Variants in NEK5 observed in about 807,000 individuals in gnomAD.
NEK5 encodes NIMA related kinase 5.
In NEK5, 88 loss-of-function variants were observed where a neutral mutation model predicts 109.2. The observed-to-expected ratio is 0.81, with a 90% confidence interval of 0.68 to 0.96. NEK5 has a LOEUF of 0.96. Ranked by LOEUF, NEK5 falls within the 40% of genes least tolerant of loss-of-function variation. NEK5 has a pLI of 0.00. For synonymous variants in NEK5, 283 were observed against 299.9 expected (o/e 0.94, Z 0.58); for missense variants, 834 against 920.7 (o/e 0.91, Z 1.22).
At chr13:52,071,504 T>G (rs957612654) in intron 20 of NEK5, among the ~76,000 whole-genome samples, 1 of 152,260 alleles carries the variant, frequency 6.6e-6, no homozygotes, top group Non-Finnish European at 1.5e-5. Flanking sequence ...TTTCTTTACT[T>G]ACAATTGTGT....
intron 23 of NEK5, among the ~76,000 whole-genome samples, chr13:52,048,335 G>A (rs1331702901): frequency 1.3e-5 from 2 of 151,714 alleles, no homozygotes. Flanking sequence ...ATTCTGGGAG[G>A]CTGAGACGGG....
intron 19 of NEK5, among the ~76,000 whole-genome samples, chr13:52,074,279 A>C (rs1169474532): frequency 6.6e-6 from 1 of 152,196 alleles, no homozygotes; most frequent in East Asian, 1.9e-4. Flanking sequence ...TGGTTCAAAA[A>C]CAAACACATA....
chr13:52,109,938 T>C lies in NEK5; in HGVS notation c.467+402A>G, dbSNP rs74087059. 3.9e-3 allele frequency among the ~76,000 whole-genome samples: 593 copies of C among 152,334 alleles called. 3 individuals are homozygous for C. Among genetic ancestry groups the C allele is most frequent in the African/African-American group, 0.014 (576 of 41,572 alleles). ...ACCGGCCACCTTGGGTACATGTTCT[T>C]AGGATCTCCTGAGGGCTATGTCACA... is the stretch of plus-strand genomic sequence containing the variant. On this transcript the variant is annotated intron_variant, in intron 7 of 23. Coordinates refer to ENST00000684899, the MANE Select transcript of NEK5 (RefSeq NM_001365552.1).
chr13:52,070,637 C>T (rs1477265133), intron 20 of NEK5, among the ~76,000 whole-genome samples: 3 of 152,210 alleles, frequency 2.0e-5, no homozygotes, highest in Non-Finnish European at 4.4e-5. Flanking sequence ...GCTTCCCCAG[C>T]CATGTGGAAC....
At chr13:52,054,445 C>A (rs1328647597) in intron 22 of NEK5, among the ~76,000 whole-genome samples, 2 of 152,200 alleles carry the variant, frequency 1.3e-5, no homozygotes, top group Non-Finnish European at 2.9e-5. Flanking sequence ...CTCAGCCTCC[C>A]AAAGGGCTGG....
In NEK5 at chr13:52,050,107, T is replaced by G; in HGVS notation, c.2225A>C (p.Asp742Ala). 1.0e-6 allele frequency: 1 copy of G among 964,062 alleles called. No homozygotes were observed. The highest frequency in any genetic ancestry group is 1.8e-5 in the African/African-American group (1 of 56,910). 59.7% of individuals were successfully genotyped at this position (964,062 alleles called of 1,614,324 possible). ...TATCGGCAAATGATCTACTTACGTATCATCATCATCAGATCTTGGTTCTAG... is the reference window on the plus strand; with the variant it reads ...TATCGGCAAATGATCTACTTACGTAGCATCATCATCAGATCTTGGTTCTAG... The part of the protein sequence containing the change: ...EQLEPRSDDD[D>A]TNFEESEDEL... Residue 742 changes from aspartate (D) to alanine (A), a missense_variant, in exon 23 of 24, where the codon GAT becomes GCT. By Grantham distance (126) the Asp-to-Ala change is moderately radical. Coordinates refer to ENST00000684899, the MANE Select transcript of NEK5 (RefSeq NM_001365552.1).
At chr13:52,077,616 G>A (rs1954891883) in intron 17 of NEK5, among the ~76,000 whole-genome samples, 1 of 152,140 alleles carries the variant, frequency 6.6e-6, no homozygotes, top group South Asian at 2.1e-4. Context: ...AGAGAGAACT[G>A]AAACACTCAT....
intron 4 of NEK5, among the ~76,000 whole-genome samples, chr13:52,115,911 T>C (rs1164701417): frequency 6.6e-6 from 1 of 152,174 alleles, no homozygotes; most frequent in Admixed American, 6.5e-5. Context: ...AGCTCTCTCC[T>C]GTAATCCCAG....
intron 22 of NEK5, among the ~76,000 whole-genome samples, chr13:52,059,950 A>G (rs1368560452): frequency 6.6e-6 from 1 of 152,090 alleles, no homozygotes; most frequent in Non-Finnish European, 1.5e-5. Flanking sequence ...AACTTAAAGT[A>G]TAATAATAAA....
chr13:52,097,677 T>A (rs893883395), intron 12 of NEK5, among the ~76,000 whole-genome samples: 4 of 152,216 alleles, frequency 2.6e-5, no homozygotes, highest in Non-Finnish European at 5.9e-5. Flanking sequence ...TGGAAGGGAC[T>A]TGACTTGTCT....
Position 52,076,084 on chromosome 13 carries a change from T to C in NEK5, c.1632A>G (p.Pro544=), listed in dbSNP as rs774858274. 2.5e-6 allele frequency: 4 copies of C among 1,599,066 alleles called. No homozygotes were observed. Among genetic ancestry groups the C allele is most frequent in the South Asian group, 2.2e-5 (2 of 89,260 alleles). The change falls in exon 18 of 24, where the codon CCA becomes CCG. Residue 544 remains proline, a synonymous_variant. Transcript: ENST00000684899. The part of the protein sequence containing the change: ...RLQNTKESKN[P]EQKYKAKKGV... ...TTACCTTAGCTTTATATTTCTGTTC[T>C]GGATTTTTACTTTCCTTTGTGTTCT...
chr13:52,121,560 T>C (rs1955970805), intron 3 of NEK5, among the ~76,000 whole-genome samples: 2 of 152,240 alleles, frequency 1.3e-5, no homozygotes, highest in Admixed American at 1.3e-4. Context: ...TTGCTAGTTT[T>C]TAAGTTACTC....
Position 52,114,335 on chromosome 13 carries a change from C to CA in NEK5, c.215-1971dup, listed in dbSNP as rs528255649. Reference sequence around the variant, plus strand: ...TTCCCCTGTAGTACCCATTAAATGCCAAAATCTCTTGCCAAATATCTATCT... The same window carrying CA: ...TTCCCCTGTAGTACCCATTAAATGCCAAAAATCTCTTGCCAAATATCTATCT... On this transcript the variant is annotated intron_variant, in intron 4 of 23. Coordinates refer to ENST00000684899, the MANE Select transcript of NEK5 (RefSeq NM_001365552.1). Among the ~76,000 whole-genome samples the CA allele has an allele frequency of 7.9e-5, 12 of 152,302 alleles. No homozygotes were observed. In the East Asian group the frequency reaches 2.3e-3, roughly 29 times the overall value.
chr13:52,036,533 T>C lies in NEK5; in HGVS notation c.*415A>G, dbSNP rs1348058590. The C allele has an allele frequency of 1.3e-5, 2 of 152,032 alleles. No homozygotes were observed. The highest frequency in any genetic ancestry group is 4.8e-5 in the African/African-American group (2 of 41,346). The allele number at this position is 152,032 out of a possible 1,614,324, so 9.4% of individuals were successfully genotyped here. A position where few individuals can be genotyped will look rare whatever the true frequency, so the allele number is the denominator to read the frequency against. ...CCCAGGCTGGAGTGCAGTGGCACAA[T>C]CTCGGCTCACTTGCAACTTCCATCT... On this transcript the variant is annotated 3_prime_UTR_variant, in exon 24 of 24. Coordinates refer to ENST00000684899, the MANE Select transcript of NEK5 (RefSeq NM_001365552.1).
At chr13:52,041,466 G>A (rs969726447) in intron 23 of NEK5, among the ~76,000 whole-genome samples, 5 of 152,022 alleles carry the variant, frequency 3.3e-5, no homozygotes, top group Non-Finnish European at 7.4e-5. Flanking sequence ...ATTCATCCAC[G>A]CCTGTAATCC....
intron 12 of NEK5, 151 bp downstream of exon 12, chr13:52,099,592 C>T: frequency 1.5e-6 from 1 of 689,456 alleles, no homozygotes. Context: ...ATTGCTTGAA[C>T]CCGGGAGGTG....
intron 22 of NEK5, among the ~76,000 whole-genome samples, chr13:52,057,408 A>G (rs1237663864): frequency 6.6e-6 from 1 of 151,640 alleles, no homozygotes; most frequent in Non-Finnish European, 1.5e-5. Context: ...AAACTATTCC[A>G]ATCAATAGAA....
At chr13:52,048,799 T>A (rs1266062626) in intron 23 of NEK5, among the ~76,000 whole-genome samples, 2 of 152,120 alleles carry the variant, frequency 1.3e-5, no homozygotes, top group African/African-American at 4.8e-5. Context: ...GAGAGTAGAA[T>A]GGTGGTTTCT....
At position 52,071,942 on chromosome 13, in the gene NEK5, AC is replaced by A; in HGVS notation, c.1849+1del. On this transcript the variant is annotated splice_donor_variant, in intron 20 of 23. Coordinates refer to ENST00000684899, the MANE Select transcript of NEK5 (RefSeq NM_001365552.1). LOFTEE classifies it high-confidence loss of function. ...CATTTACAACTTTCAAGAAACACAT[AC>A]CTGCTTCTGGGCAGTGAAGTTTTTC... is the stretch of plus-strand genomic sequence containing the variant. 6.2e-7 allele frequency: 1 copy of A among 1,613,176 alleles called. No homozygotes were observed. Among genetic ancestry groups the A allele is most frequent in the Non-Finnish European group, 8.5e-7 (1 of 1,179,362 alleles).
Sources: allele counts gnomAD v4.1 joint callset (sites outside exome capture counted in the v4.1 genomes callset), GRCh38; gene constraint gnomAD v4.1.1; transcripts MANE v1.5; gene names NCBI Gene and HGNC (gene_info 2026-07-23, HGNC 2026-07-21).